Variants in CFAP206 observed in about 807,000 individuals in gnomAD.
CFAP206 encodes cilia- and flagella-associated protein 206.
In CFAP206, 53 loss-of-function variants were observed where a neutral mutation model predicts 65.4. The observed-to-expected ratio is 0.81, with a 90% CI of 0.65 to 1.02. The LOEUF is 1.02. CFAP206 is among the 50% of genes least tolerant of loss of function. The pLI is 0.00. For missense variants in CFAP206, 663 were observed against 753.2 expected (o/e 0.88, Z 1.40); for synonymous variants, 250 against 254.4 (o/e 0.98, Z 0.17).
At chr6:87,409,988 GT>G (rs1264928270) in intron 2 of CFAP206, 41 bp downstream of exon 2, 4 of 1,388,350 alleles carry the variant, frequency 2.9e-6, no homozygotes, top group Non-Finnish European at 4.1e-6. Flanking sequence ...TTATTAAGAG[GT>G]TTTTTAAGAT....
At position 87,434,843 on chromosome 6, in the gene CFAP206, T is replaced by A; in HGVS notation, c.1301-17T>A. ...GTGATCAAGACATTTCATATCTAAT[T>A]CTTTTTTTATTTTCAGGAAATCCAG... On this transcript the variant is annotated splice_polypyrimidine_tract_variant and intron_variant, in intron 10 of 12. Coordinates refer to ENST00000369562, the MANE Select transcript of CFAP206 (RefSeq NM_001031743.3). 1 of 1,248,062 alleles carries A rather than the reference T, an allele frequency of 8.0e-7. No individual in the cohort carries two copies. The highest frequency in any genetic ancestry group is 1.1e-6 in the Non-Finnish European group (1 of 893,368). The allele number at this position is 1,248,062 out of a possible 1,614,324, so 77.3% of individuals were successfully genotyped here.
rs1309455189 is a variant in CFAP206, at chr6:87,428,798, A to C, written c.1133A>C (p.Asp378Ala). ...CTTAATGGAGCGACTGTGAAAACTG[A>C]TGTGTGTAGAATGAAAGAACACATG... ...CHLNGATVKT[D>A]VCRMKEHMED... Residue 378 changes from aspartate (D) to alanine (A), a missense_variant, in exon 9 of 13, where the codon GAT becomes GCT. Physicochemically the swap from Asp to Ala is moderately radical, Grantham distance 126. Coordinates refer to ENST00000369562, the MANE Select transcript of CFAP206 (RefSeq NM_001031743.3). 1.2e-6 allele frequency: 2 copies of C among 1,614,132 alleles called. No individual in the cohort carries two copies. Among genetic ancestry groups the C allele is most frequent in the Admixed American group, 3.3e-5 (2 of 60,024 alleles).
chr6:87,422,760 A>AC lies in CFAP206; in HGVS notation c.841-3766_841-3765insC, dbSNP rs372474605. Among the ~76,000 whole-genome samples, 254 of 82,590 alleles carry AC rather than the reference A, an allele frequency of 3.1e-3. 2 individuals are homozygous for AC. Among genetic ancestry groups the AC allele is most frequent in the African/African-American group, 0.012 (246 of 20,278 alleles). 54.2% of individuals were successfully genotyped at this position (82,590 alleles called of 152,430 possible). A position where few individuals can be genotyped will look rare whatever the true frequency, so the allele number is the denominator to read the frequency against. On this transcript the variant is annotated intron_variant, in intron 7 of 12. Transcript: ENST00000369562. ...AGTGAGACTCTGTCTCAAAAAAAAA[A>AC]AAACAAAACAAACAAAAAAACAACT...
chr6:87,415,142 G>A (rs1188929021), intron 4 of CFAP206, among the ~76,000 whole-genome samples: 7 of 151,990 alleles, frequency 4.6e-5, no homozygotes, highest in African/African-American at 7.2e-5. Context: ...TACAGTTCTC[G>A]ATGCAACATC....
chr6:87,450,307 C>A (rs964642137), intron 11 of CFAP206, among the ~76,000 whole-genome samples: 1 of 151,926 alleles, frequency 6.6e-6, no homozygotes, highest in Non-Finnish European at 1.5e-5. Context: ...GGCTCTTTTG[C>A]GGTTCCATAT....
At position 87,415,668 on chromosome 6, in the gene CFAP206, G is replaced by T. The variant is rs373849633; in HGVS notation, c.284-18G>T. The T allele has an allele frequency of 1.3e-6, 2 of 1,596,134 alleles. No individual in the cohort carries two copies. Among genetic ancestry groups the T allele is most frequent in the East Asian group, 2.2e-5 (1 of 44,652 alleles). On this transcript the variant is annotated intron_variant, in intron 4 of 12. Transcript: ENST00000369562. Reference sequence around the variant, plus strand: ...CTAAAAATTAAATATATAGAACATTGTTATTTGGCAATTTTAGTGGAATTT... The same window carrying T: ...CTAAAAATTAAATATATAGAACATTTTTATTTGGCAATTTTAGTGGAATTT...
chr6:87,452,515 A>G (rs1295797502), intron 11 of CFAP206, among the ~76,000 whole-genome samples: 1 of 152,188 alleles, frequency 6.6e-6, no homozygotes, highest in African/African-American at 2.4e-5. Context: ...CTGGAGTGAC[A>G]GAGATATGTG....
chr6:87,425,508 C>A (rs1768024466), intron 7 of CFAP206, among the ~76,000 whole-genome samples: 1 of 152,008 alleles, frequency 6.6e-6, no homozygotes, highest in African/African-American at 2.4e-5. Flanking sequence ...TTTAGATAGT[C>A]AAAAGTCAGA....
At chr6:87,428,593 T>C in intron 8 of CFAP206, 33 bp from the exon 9 acceptor site, 2 of 1,561,758 alleles carry the variant, frequency 1.3e-6, no homozygotes, top group South Asian at 1.1e-5. Flanking sequence ...TATTACACAG[T>C]TGCATTTTGA....
At chr6:87,437,989 T>C (rs1768302738) in intron 11 of CFAP206, among the ~76,000 whole-genome samples, 1 of 151,922 alleles carries the variant, frequency 6.6e-6, no homozygotes, top group African/African-American at 2.4e-5. Flanking sequence ...CAGCCCATTT[T>C]CTTCTTTTTA....
chr6:87,432,418 A>T (rs1768175301), intron 10 of CFAP206, among the ~76,000 whole-genome samples: 2 of 152,144 alleles, frequency 1.3e-5, no homozygotes. Context: ...TGGAATGTAG[A>T]TAGTTTCCTT....
chr6:87,427,089 C>A (rs1768055498), intron 8 of CFAP206, among the ~76,000 whole-genome samples: 1 of 152,134 alleles, frequency 6.6e-6, no homozygotes. Context: ...CCTGGCAAAC[C>A]TTATCTGGAT....
At position 87,428,909 on chromosome 6, in the gene CFAP206, C is replaced by T; in HGVS notation, c.1159+85C>T. 5 of 1,284,134 alleles carry T rather than the reference C, an allele frequency of 3.9e-6. No individual in the cohort carries two copies. The Middle Eastern group carries it at 7.6e-4, about 195-fold the overall frequency. The allele number at this position is 1,284,134 out of a possible 1,614,324, so 79.5% of individuals were successfully genotyped here. ...CTCTTTTGTTCTAAAAATTTCATAT[C>T]TTTCTGATAAAGCATTAAACATTTT... is the stretch of plus-strand genomic sequence containing the variant. On this transcript the variant is annotated intron_variant, in intron 9 of 12. Transcript: ENST00000369562.
At chr6:87,442,532 A>AACC (rs1193968739) in intron 11 of CFAP206, among the ~76,000 whole-genome samples, 1 of 152,188 alleles carries the variant, frequency 6.6e-6, no homozygotes, top group Non-Finnish European at 1.5e-5. Context: ...AGTATCAAAT[A>AACC]GAGGTAGCGA....
rs1432837376 is a variant in CFAP206 at position 87,453,180 on chromosome 6, C to A, written c.1495-7842C>A. ...GGCCAGGAGAGAATGGCACGACATA[C>A]TTAAAGTGCTGAAGGAAAAAAAAAT... is the stretch of plus-strand genomic sequence containing the variant. On this transcript the variant is annotated intron_variant, in intron 11 of 12. Transcript: ENST00000369562. Among the ~76,000 whole-genome samples the A allele has an allele frequency of 4.6e-5, 7 of 151,918 alleles. No individual in the cohort carries two copies. The East Asian group carries it at 1.2e-3, about 25-fold the overall frequency.
At chr6:87,463,883 GA>G in intron 12 of CFAP206, 136 bp from the exon 13 acceptor site, 1 of 547,352 alleles carries the variant, frequency 1.8e-6, no homozygotes, top group African/African-American at 1.9e-5. Flanking sequence ...ATGTTTTATA[GA>G]AAAAATGCTA....
intron 6 of CFAP206, 111 bp downstream of exon 6, chr6:87,416,938 G>T: frequency 1.0e-6 from 1 of 972,136 alleles, no homozygotes; most frequent in Non-Finnish European, 1.5e-6. Flanking sequence ...TTTAAGATTT[G>T]CATTTTTTAC....
chr6:87,461,464 C>CT lies in CFAP206; in HGVS notation c.1638+307dup, dbSNP rs1399311729. On this transcript the variant is annotated intron_variant, in intron 12 of 12. Coordinates refer to ENST00000369562, the MANE Select transcript of CFAP206 (RefSeq NM_001031743.3). ...CTTTAATCACTTAAGGTATACCATTCTTTTTTTTGTTTGTTTTTTGGACCT... is the reference window on the plus strand; with the variant it reads ...CTTTAATCACTTAAGGTATACCATTCTTTTTTTTTGTTTGTTTTTTGGACCT... Among the ~76,000 whole-genome samples, 5 of 151,934 alleles carry CT rather than the reference C, an allele frequency of 3.3e-5. No homozygotes were observed. In the East Asian group the frequency reaches 5.8e-4, roughly 18 times the overall value.
chr6:87,414,535 C>T (rs1767791802), intron 4 of CFAP206, among the ~76,000 whole-genome samples: 1 of 152,068 alleles, frequency 6.6e-6, no homozygotes, highest in Admixed American at 6.6e-5. Context: ...AGGCCTCAAG[C>T]GATCTGTCTA....
Sources: allele counts gnomAD v4.1 joint callset (sites outside exome capture counted in the v4.1 genomes callset), GRCh38; gene constraint gnomAD v4.1.1; transcripts MANE v1.5; gene names NCBI Gene and HGNC (gene_info 2026-07-23, HGNC 2026-07-21).